GALNT14: variants seen among roughly 807,000 people sequenced by gnomAD.
GALNT14 encodes UDP-GalNAc:polypeptide N-acetylgalactosaminyltransferase 14.
A neutral mutation model predicts 77.5 loss-of-function variants in GALNT14; 60 were observed. The ratio of observed to expected loss-of-function variants is 0.77; its 90% CI spans 0.63 to 0.96. GALNT14 has a LOEUF of 0.96. GALNT14 is among the 40% of genes least tolerant of loss of function. The probability of loss-of-function intolerance (pLI) is 0.00; values close to 1 mark genes in which losing one functional copy is unlikely to be tolerated. For missense variants in GALNT14, 710 were observed against 731.0 expected (o/e 0.97, Z 0.33); for synonymous variants, 280 against 281.7 (o/e 0.99, Z 0.06).
intron 6 of GALNT14, among the ~76,000 whole-genome samples, chr2:30,951,992 C>A (rs192461919): frequency 6.6e-6 from 1 of 152,294 alleles, no homozygotes; most frequent in Admixed American, 6.5e-5. Context: ...CTGCACCGTG[C>A]CCTGGACCTC....
chr2:30,936,102 A>T (rs1666041209), intron 9 of GALNT14, among the ~76,000 whole-genome samples: 1 of 152,200 alleles, frequency 6.6e-6, no homozygotes, highest in South Asian at 2.1e-4. Flanking sequence ...TTCCATCCTC[A>T]TCGGGGCACT....
intron 14 of GALNT14, among the ~76,000 whole-genome samples, chr2:30,911,353 A>G (rs922424121): frequency 2.0e-5 from 3 of 152,186 alleles, no homozygotes; most frequent in Admixed American, 6.5e-5. Flanking sequence ...AGTTAGTCAC[A>G]GGAGCAACCT....
chr2:31,047,290 C>T (rs1320569336), intron 1 of GALNT14, among the ~76,000 whole-genome samples: 1 of 152,164 alleles, frequency 6.6e-6, no homozygotes, highest in Admixed American at 6.5e-5. Context: ...ATGATATCTG[C>T]GAGTGGACTG....
rs766323103 is a variant in GALNT14, at chr2:30,932,936, C to T, written c.932-742G>A. Among the ~76,000 whole-genome samples the T allele has an allele frequency of 1.8e-4, 28 of 152,146 alleles. 1 individual carries two copies. Among genetic ancestry groups the T allele is most frequent in the Non-Finnish European group, 7.3e-5 (5 of 68,028 alleles). ...GTGTCCCCTAGGTTTGTACACACACCCATTTCTTCCTGGTTGGCTGCTGCT... is the reference window on the plus strand; with the variant it reads ...GTGTCCCCTAGGTTTGTACACACACTCATTTCTTCCTGGTTGGCTGCTGCT... On this transcript the variant is annotated intron_variant, in intron 9 of 14. Coordinates refer to ENST00000349752, the MANE Select transcript of GALNT14 (RefSeq NM_024572.4).
chr2:31,090,553 G>A (rs147966837), intron 1 of GALNT14, among the ~76,000 whole-genome samples: 2 of 142,700 alleles, frequency 1.4e-5, no homozygotes, highest in African/African-American at 5.3e-5. Flanking sequence ...GCAATGATGT[G>A]GTCTCGACTC....
chr2:31,033,037 G>T (rs58049823), intron 1 of GALNT14, among the ~76,000 whole-genome samples: 1 of 152,238 alleles, frequency 6.6e-6, no homozygotes, highest in African/African-American at 2.4e-5. Flanking sequence ...GGCACACTCT[G>T]GCTGGCACCA....
At chr2:30,952,593 C>T (rs1394374550) in intron 6 of GALNT14, among the ~76,000 whole-genome samples, 1 of 129,238 alleles carries the variant, frequency 7.7e-6, no homozygotes, top group Non-Finnish European at 1.6e-5. Context: ...GGGAATATCA[C>T]ACTCTGGGGA....
In GALNT14 at chr2:30,924,219, C is replaced by G. The variant is rs771801668; in HGVS notation, c.1280G>C (p.Arg427Thr). The G allele has an allele frequency of 6.8e-6, 11 of 1,614,202 alleles. No homozygotes were observed. The Admixed American group carries it at 1.8e-4, about 27-fold the overall frequency. ...CCTTTGAGATTCCAGGCACTTCTGT[C>G]TCTGTCGGATATTGCCCTTCTGGAT... ...SSIQKGNIRQ[R>T]QKCLESQRQN... Residue 427 changes from arginine (R) to threonine (T), a missense_variant, in exon 13 of 15, where the codon AGA (arginine) becomes ACA (threonine). Coordinates refer to ENST00000349752, the MANE Select transcript of GALNT14 (RefSeq NM_024572.4).
At chr2:30,960,988 G>C (rs186201301) in intron 3 of GALNT14, among the ~76,000 whole-genome samples, 1 of 152,304 alleles carries the variant, frequency 6.6e-6, no homozygotes, top group Admixed American at 6.5e-5. Flanking sequence ...TCTGCCAGAG[G>C]GCAGGTACAC....
At chr2:30,912,387 C>T (rs1186786360) in intron 13 of GALNT14, 45 bp from the exon 14 acceptor site, 1 of 1,606,806 alleles carries the variant, frequency 6.2e-7, no homozygotes, top group African/African-American at 1.3e-5. Flanking sequence ...ATCCAGGAAG[C>T]CACCACTCGT....
intron 1 of GALNT14, among the ~76,000 whole-genome samples, chr2:31,071,919 C>T (rs1399820668): frequency 1.3e-5 from 2 of 152,194 alleles, no homozygotes; most frequent in African/African-American, 2.4e-5. Flanking sequence ...AACTGCGCAG[C>T]CACACACCCA....
intron 1 of GALNT14, among the ~76,000 whole-genome samples, chr2:31,087,219 C>T (rs965582594): frequency 2.0e-5 from 3 of 152,102 alleles, no homozygotes; most frequent in African/African-American, 7.2e-5. Context: ...GTTGAATGAC[C>T]TTTGTGGCTG....
downstream of GALNT14, among the ~76,000 whole-genome samples, chr2:30,910,201 A>T (rs1197910803): frequency 2.0e-5 from 3 of 151,896 alleles, no homozygotes; most frequent in Non-Finnish European, 4.4e-5. Context: ...CCTAAAACTT[A>T]AAGTATAATA....
chr2:31,100,522 C>T (rs559732064), intron 1 of GALNT14, among the ~76,000 whole-genome samples: 38 of 152,068 alleles, frequency 2.5e-4, no homozygotes, highest in African/African-American at 9.2e-4. Flanking sequence ...CAACAACTGC[C>T]TCTTCCCTCT....
intron 11 of GALNT14, among the ~76,000 whole-genome samples, chr2:30,928,829 C>T (rs532061400): frequency 1.4e-4 from 21 of 152,158 alleles, no homozygotes; most frequent in South Asian, 6.2e-4. Context: ...ATTGGCCAGG[C>T]GGGTCTCAGA....
At chr2:31,067,537 T>C (rs1000879960) in intron 1 of GALNT14, among the ~76,000 whole-genome samples, 1 of 152,082 alleles carries the variant, frequency 6.6e-6, no homozygotes, top group Non-Finnish European at 1.5e-5. Flanking sequence ...GCTCAGGACA[T>C]TAGGTCTGCT....
intron 13 of GALNT14, among the ~76,000 whole-genome samples, chr2:30,921,014 C>A (rs1338268907): frequency 6.6e-6 from 1 of 152,250 alleles, no homozygotes; most frequent in African/African-American, 2.4e-5. Flanking sequence ...TTTACTCACC[C>A]ACAGGCCATG....
intron 8 of GALNT14, among the ~76,000 whole-genome samples, chr2:30,943,621 C>T (rs1666512637): frequency 6.6e-6 from 1 of 152,198 alleles, no homozygotes; most frequent in Admixed American, 6.5e-5. Context: ...CACCTTGACC[C>T]TTTGCTCTTC....
chr2:30,912,000 A>C (rs1349403965), intron 14 of GALNT14, among the ~76,000 whole-genome samples: 1 of 152,210 alleles, frequency 6.6e-6, no homozygotes, highest in Non-Finnish European at 1.5e-5. Flanking sequence ...GTGGAAATCA[A>C]TAGGCTTTCA....
Sources: gnomAD v4.1 joint callset for allele counts (sites outside exome capture counted in the v4.1 genomes callset) on GRCh38, gnomAD v4.1.1 for gene constraint, MANE v1.5 for transcripts, NCBI Gene and HGNC (gene_info 2026-07-23, HGNC 2026-07-21) for gene names.